The following GALNT13 variants were observed in gnomAD, a reference collection of about 807,000 sequenced individuals.
GALNT13 encodes the protein UDP-GalNAc:polypeptide N-acetylgalactosaminyltransferase 13.
Under a neutral mutation model 64.2 loss-of-function variants are expected in GALNT13, and 28 were observed. The ratio of observed to expected loss-of-function variants is 0.44; its 90% CI spans 0.32 to 0.60. The LOEUF is 0.60. Ranked by LOEUF, GALNT13 falls within the 20% of genes least tolerant of loss-of-function variation. GALNT13 has a pLI of 0.05. For missense variants in GALNT13, 577 were observed against 669.8 expected (o/e 0.86, Z 1.53); for synonymous variants, 214 against 224.6 (o/e 0.95, Z 0.42).
chr2:153,360,426 C>T, the GALNT13 span, among the ~76,000 whole-genome samples: 5 of 152,040 alleles, frequency 3.3e-5, no homozygotes, highest in South Asian at 2.1e-4. Context: ...GGGGGAGGGG[C>T]GGCAGCCAAC....
intron 3 of GALNT13, among the ~76,000 whole-genome samples, chr2:154,082,914 A>G (rs1440412441): frequency 6.6e-6 from 1 of 151,908 alleles, no homozygotes; most frequent in Non-Finnish European, 1.5e-5. Context: ...TCTTTAGTTT[A>G]ATTAGATCCC....
At chr2:154,072,903 G>T (rs946704075) in intron 3 of GALNT13, among the ~76,000 whole-genome samples, 6 of 151,944 alleles carry the variant, frequency 3.9e-5, no homozygotes, top group African/African-American at 1.4e-4. Context: ...GGGAGATAGG[G>T]ATATGAAAAC....
the GALNT13 span, among the ~76,000 whole-genome samples, chr2:153,302,142 T>G: frequency 6.6e-6 from 1 of 152,192 alleles, no homozygotes; most frequent in South Asian, 2.1e-4. Flanking sequence ...GTTTTCATAA[T>G]GGCTGTACTA....
chr2:153,616,098 T>A, the GALNT13 span, among the ~76,000 whole-genome samples: 1 of 152,074 alleles, frequency 6.6e-6, no homozygotes, highest in Non-Finnish European at 1.5e-5. Flanking sequence ...TCCATTTTAA[T>A]TAGATTTTTG....
chr2:154,052,374 A>G (rs943898015), intron 3 of GALNT13, among the ~76,000 whole-genome samples: 2 of 152,156 alleles, frequency 1.3e-5, no homozygotes. Context: ...TGCACCTTCA[A>G]ATGACCCCAT....
the GALNT13 span, among the ~76,000 whole-genome samples, chr2:153,181,033 T>TTTC: frequency 6.6e-5 from 8 of 122,000 alleles, no homozygotes; most frequent in Non-Finnish European, 1.5e-4. Flanking sequence ...ATTGTTTCTT[T>TTTC]TTTTTTTTTT....
chr2:153,522,708 G>A, the GALNT13 span, among the ~76,000 whole-genome samples: 1 of 152,088 alleles, frequency 6.6e-6, no homozygotes, highest in Non-Finnish European at 1.5e-5. Context: ...TTAATTGGAT[G>A]TTTTCTTATT....
chr2:153,725,072 A>T, the GALNT13 span, among the ~76,000 whole-genome samples: 5 of 149,800 alleles, frequency 3.3e-5, no homozygotes, highest in African/African-American at 1.2e-4. Context: ...TCCAACAATG[A>T]TAGACTGGAT....
intron 3 of GALNT13, among the ~76,000 whole-genome samples, chr2:154,127,962 G>A (rs895496747): frequency 1.3e-5 from 2 of 151,826 alleles, no homozygotes; most frequent in Admixed American, 6.6e-5. Flanking sequence ...TTAGAGCACT[G>A]TGTTATTTCA....
At chr2:153,305,182 TG>T in the GALNT13 span, among the ~76,000 whole-genome samples, 896 of 152,278 alleles carry the variant, frequency 5.9e-3, 13 homozygotes, top group East Asian at 0.036. Flanking sequence ...TGGTGTCCTG[TG>T]GGTTTGCTGA....
chr2:153,140,700 GCCCTCAAGTAACTTTT>G, the GALNT13 span, among the ~76,000 whole-genome samples: 5 of 152,084 alleles, frequency 3.3e-5, 1 homozygote, highest in African/African-American at 1.2e-4. Flanking sequence ...AAGGAACTTT[GCCCTCAAGTAACTTTT>G]CTCTTACCAA....
At chr2:153,437,829 T>A in the GALNT13 span, among the ~76,000 whole-genome samples, 29 of 152,350 alleles carry the variant, frequency 1.9e-4, no homozygotes, top group Admixed American at 3.3e-4. Context: ...CATTTACATT[T>A]AAGGTTAATA....
chr2:153,645,627 TGAAC>T, the GALNT13 span, among the ~76,000 whole-genome samples: 1 of 152,128 alleles, frequency 6.6e-6, no homozygotes, highest in Non-Finnish European at 1.5e-5. Context: ...TATATTAAGA[TGAAC>T]TTGGATTAGA....
At chr2:153,679,112 T>A in the GALNT13 span, among the ~76,000 whole-genome samples, 2 of 151,968 alleles carry the variant, frequency 1.3e-5, no homozygotes, top group Admixed American at 6.6e-5. Flanking sequence ...TTCTTGTTTG[T>A]CCTCATGGAT....
At chr2:153,827,140 T>C in the GALNT13 span, among the ~76,000 whole-genome samples, 2 of 151,950 alleles carry the variant, frequency 1.3e-5, no homozygotes, top group Admixed American at 6.6e-5. Context: ...TCACATCTTA[T>C]GTGGAAGGCA....
At chr2:154,000,778 A>T (rs1450133383) in intron 3 of GALNT13, among the ~76,000 whole-genome samples, 1 of 152,018 alleles carries the variant, frequency 6.6e-6, no homozygotes, top group Non-Finnish European at 1.5e-5. Context: ...TGATGGATTG[A>T]ATATTCTGTA....
chr2:154,216,954 ATT>A lies in GALNT13; in HGVS notation c.312-25064_312-25063del, dbSNP rs373851562. Among the ~76,000 whole-genome samples, 22 of 140,526 alleles carry A rather than the reference ATT, an allele frequency of 1.6e-4. 1 individual carries two copies. The highest frequency in any genetic ancestry group is 3.5e-3 in the Middle Eastern group (1 of 282). The allele number at this position is 140,526 out of a possible 152,430, so 92.2% of individuals were successfully genotyped here. On this transcript the variant is annotated intron_variant, in intron 4 of 12. Transcript: ENST00000392825. ...GAGGCATGGACCACCACATCAAGCT[ATT>A]TTTTTTTTTTTATTTTTTTAGAGAT...
At chr2:153,669,699 G>A in the GALNT13 span, among the ~76,000 whole-genome samples, 2 of 152,142 alleles carry the variant, frequency 1.3e-5, no homozygotes, top group Admixed American at 6.5e-5. Flanking sequence ...CAGAGGGAGA[G>A]CCAAAGCAGG....
chr2:154,353,423 G>A lies in GALNT13; in HGVS notation c.1157-42568G>A, dbSNP rs112632125. Reference sequence around the variant, plus strand: ...CACCTCACATAGTTACGTGTGTGTGGTGTGACAGGAGCAGCTAAAATCTAG... The same window carrying A: ...CACCTCACATAGTTACGTGTGTGTGATGTGACAGGAGCAGCTAAAATCTAG... On this transcript the variant is annotated intron_variant, in intron 9 of 12. Coordinates refer to ENST00000392825, the MANE Select transcript of GALNT13 (RefSeq NM_052917.4). Among the ~76,000 whole-genome samples, 426 of 152,200 alleles carry A rather than the reference G, an allele frequency of 2.8e-3. 1 individual carries two copies. Among genetic ancestry groups the A allele is most frequent in the Non-Finnish European group, 4.9e-3 (333 of 68,024 alleles).
Sources: allele counts gnomAD v4.1 joint callset (sites outside exome capture counted in the v4.1 genomes callset), GRCh38; gene constraint gnomAD v4.1.1; transcripts MANE v1.5; gene names NCBI Gene and HGNC (gene_info 2026-07-23, HGNC 2026-07-21).